The following CTCF variants were observed in gnomAD, a reference collection of about 807,000 sequenced individuals.
The protein encoded by CTCF is CCCTC-binding factor.
In CTCF, 7 loss-of-function variants were observed where a neutral mutation model predicts 72.3. The observed-to-expected ratio is 0.10, with a 90% CI of 0.06 to 0.18. The LOEUF (loss-of-function observed/expected upper bound fraction) is 0.18. Among genes scored for constraint, CTCF ranks in the 10% least tolerant of loss-of-function variants. The pLI, the probability that CTCF is intolerant of heterozygous loss-of-function variation, is 1.00. For synonymous variants in CTCF, 374 were observed against 315.8 expected (o/e 1.18, Z -1.95); for missense variants, 516 against 949.1 (o/e 0.54, Z 6.00).
chr16:67,581,806 A>T (rs2051586740), intron 2 of CTCF, among the ~76,000 whole-genome samples: 1 of 152,066 alleles, frequency 6.6e-6, no homozygotes, highest in African/African-American at 2.4e-5. Context: ...CACAGCGCTA[A>T]TTTTTGTGTT....
At chr16:67,622,347 C>T (rs930126501) in intron 7 of CTCF, among the ~76,000 whole-genome samples, 7 of 150,640 alleles carry the variant, frequency 4.6e-5, no homozygotes, top group African/African-American at 1.7e-4. Flanking sequence ...CAGAGCGCGA[C>T]TCTGTCTCAA....
intron 2 of CTCF, among the ~76,000 whole-genome samples, chr16:67,580,099 G>A (rs757995728): frequency 6.6e-6 from 1 of 152,206 alleles, no homozygotes; most frequent in African/African-American, 2.4e-5. Flanking sequence ...AGGGGAAGCA[G>A]GGAAACTGTT....
At chr16:67,616,957 A>T in intron 5 of CTCF, 79 bp downstream of exon 5, 1 of 1,432,022 alleles carries the variant, frequency 7.0e-7, no homozygotes, top group Non-Finnish European at 9.8e-7. Flanking sequence ...ACTACTACCC[A>T]AACGGACTTA....
At chr16:67,567,209 A>G (rs760559012) in intron 1 of CTCF, among the ~76,000 whole-genome samples, 9 of 151,966 alleles carry the variant, frequency 5.9e-5, no homozygotes, top group African/African-American at 1.5e-4. Flanking sequence ...ATCTTTGTGC[A>G]TTTTCTCAGT....
At chr16:67,584,337 CTTTTT>C (rs904086024) in intron 2 of CTCF, among the ~76,000 whole-genome samples, 2 of 105,860 alleles carry the variant, frequency 1.9e-5, no homozygotes, top group Non-Finnish European at 1.8e-5. Flanking sequence ...AAAAAGTCTT[CTTTTT>C]TTTTTTTTTT....
intron 2 of CTCF, among the ~76,000 whole-genome samples, chr16:67,572,947 G>A (rs9673789): frequency 1.7e-4 from 7 of 41,500 alleles, no homozygotes; most frequent in East Asian, 1.1e-3. Context: ...GCCCCCCCCC[G>A]CCCCCCCCCC....
chr16:67,620,598 C>T lies in CTCF; in HGVS notation c.1087-99C>T, dbSNP rs2052187984. On this transcript the variant is annotated intron_variant, in intron 5 of 11. Transcript: ENST00000264010. ...ATCTTTTAGACTTCTGTATTCTGAA[C>T]TTCAGTGCCCCAAAGCTAAGCTTTT... is the stretch of plus-strand genomic sequence containing the variant. 5 of 986,746 alleles carry T rather than the reference C, an allele frequency of 5.1e-6. No individual in the cohort carries two copies. The Admixed American group carries it at 1.0e-4, about 20-fold the overall frequency. The allele number at this position is 986,746 out of a possible 1,614,324, so 61.1% of individuals were successfully genotyped here. A position where few individuals can be genotyped will look rare whatever the true frequency, so the allele number is the denominator to read the frequency against.
In CTCF at chr16:67,626,683, A is replaced by G; in HGVS notation, c.1486A>G (p.Lys496Glu). ...GTCACACAAGAATGAGAAGCGCTTT[A>G]AGTGTGACCAGTGTGATTACGCTTG... is the stretch of plus-strand genomic sequence containing the variant. ...QKSHKNEKRF[K>E]CDQCDYACRQ... Residue 496 changes from lysine to glutamate, a missense_variant, in exon 8 of 12, where the codon AAG becomes GAG. Coordinates refer to ENST00000264010, the MANE Select transcript of CTCF (RefSeq NM_006565.4). The G allele has an allele frequency of 6.5e-7, 1 of 1,528,378 alleles. No homozygotes were observed. Among genetic ancestry groups the G allele is most frequent in the Non-Finnish European group, 8.8e-7 (1 of 1,134,120 alleles). The allele number at this position is 1,528,378 out of a possible 1,614,324, so 94.7% of individuals were successfully genotyped here.
intron 4 of CTCF, chr16:67,615,976 A>G (rs1418711427): frequency 1.3e-5 from 2 of 152,196 alleles, no homozygotes; most frequent in Non-Finnish European, 2.9e-5. Context: ...CCTGCTGCCC[A>G]CAATTACAGA....
Position 67,629,593 on chromosome 16 carries a change from G to A in CTCF, c.1837+60G>A, listed in dbSNP as rs530610330. On this transcript the variant is annotated intron_variant, in intron 10 of 11. Coordinates refer to ENST00000264010, the MANE Select transcript of CTCF (RefSeq NM_006565.4). ...CAGGCTTTGGAGCCCAGTTTCCAGT[G>A]TGTTTATGTATGGATATGCTGGGAT... 878 of 1,583,090 alleles carry A rather than the reference G, an allele frequency of 5.5e-4. 17 individuals carry two copies. In the South Asian group the frequency reaches 9.6e-3, roughly 17 times the overall value.
intron 5 of CTCF, among the ~76,000 whole-genome samples, chr16:67,618,689 G>A (rs1407314204): frequency 6.6e-6 from 1 of 152,112 alleles, no homozygotes; most frequent in African/African-American, 2.4e-5. Flanking sequence ...TTCACTGGCC[G>A]GATATAAGAT....
chr16:67,608,635 C>T (rs996344088), intron 2 of CTCF, among the ~76,000 whole-genome samples: 2 of 152,056 alleles, frequency 1.3e-5, no homozygotes, highest in Non-Finnish European at 2.9e-5. Flanking sequence ...CTGTATTAAT[C>T]GTATAGCATT....
intron 2 of CTCF, among the ~76,000 whole-genome samples, chr16:67,589,088 T>A (rs2051704989): frequency 6.6e-6 from 1 of 151,990 alleles, no homozygotes; most frequent in Non-Finnish European, 1.5e-5. Context: ...AGCCAGAAGC[T>A]CAAGACCAGC....
intron 2 of CTCF, among the ~76,000 whole-genome samples, chr16:67,579,926 C>T (rs1275407255): frequency 2.0e-5 from 3 of 152,140 alleles, no homozygotes; most frequent in African/African-American, 7.2e-5. Context: ...GGATGCAGAT[C>T]TGCTGATAGG....
At chr16:67,566,162 C>T (rs1030286825) in intron 1 of CTCF, among the ~76,000 whole-genome samples, 3 of 152,082 alleles carry the variant, frequency 2.0e-5, no homozygotes, top group Non-Finnish European at 2.9e-5. Context: ...TTAAAAAGAA[C>T]AATAATGGCA....
intron 10 of CTCF, among the ~76,000 whole-genome samples, chr16:67,636,382 AAAG>A (rs1469112453): frequency 2.0e-5 from 3 of 150,468 alleles, no homozygotes; most frequent in East Asian, 1.9e-4. Context: ...AAAAAAAAAA[AAAG>A]AAGGAAAAAA....
At chr16:67,576,219 C>T (rs2051494600) in intron 2 of CTCF, among the ~76,000 whole-genome samples, 1 of 147,686 alleles carries the variant, frequency 6.8e-6, no homozygotes, top group Admixed American at 6.8e-5. Context: ...TAGCATAATA[C>T]CAAAAAGTTA....
intron 2 of CTCF, among the ~76,000 whole-genome samples, chr16:67,595,848 T>A (rs1472874553): frequency 6.6e-6 from 1 of 152,184 alleles, no homozygotes; most frequent in Non-Finnish European, 1.5e-5. Context: ...AAGCACTATT[T>A]TTGATGTCTA....
At chr16:67,594,218 A>T (rs2051781711) in intron 2 of CTCF, among the ~76,000 whole-genome samples, 2 of 151,920 alleles carry the variant, frequency 1.3e-5, no homozygotes, top group African/African-American at 4.8e-5. Flanking sequence ...GTGAGATCCC[A>T]TCTCTGTAAA....
Sources: gnomAD v4.1 joint callset for allele counts (sites outside exome capture counted in the v4.1 genomes callset) on GRCh38, gnomAD v4.1.1 for gene constraint, MANE v1.5 for transcripts, NCBI Gene and HGNC (gene_info 2026-07-23, HGNC 2026-07-21) for gene names.